NFATC3: variants seen among roughly 807,000 people sequenced by gnomAD.
NFATC3 encodes nuclear factor of activated T-cells, cytoplasmic 3.
Under a neutral mutation model 98.6 loss-of-function variants are expected in NFATC3, and 46 were observed. That is an observed-to-expected ratio of 0.47 (90% CI 0.37 to 0.60). The LOEUF (loss-of-function observed/expected upper bound fraction) is 0.60, where lower values mean the gene tolerates loss of function less well. Ranked by LOEUF, NFATC3 falls within the 20% of genes least tolerant of loss-of-function variation. NFATC3 has a pLI of 0.00. For missense variants in NFATC3, 1,256 were observed against 1,295.5 expected (o/e 0.97, Z 0.47); for synonymous variants, 512 against 472.2 (o/e 1.08, Z -1.09).
chr16:68,125,184 C>A (rs2036772207), intron 2 of NFATC3, among the ~76,000 whole-genome samples: 1 of 152,102 alleles, frequency 6.6e-6, no homozygotes, highest in African/African-American at 2.4e-5. Context: ...AAAACAAATA[C>A]AGAAGTAACT....
intron 9 of NFATC3, chr16:68,221,506 T>C (rs1430609705): frequency 7.9e-7 from 1 of 1,263,038 alleles, no homozygotes; most frequent in East Asian, 3.1e-5. Flanking sequence ...CCCAAATTGT[T>C]TTAAAGATTC....
intron 1 of NFATC3, among the ~76,000 whole-genome samples, chr16:68,114,279 C>T (rs1284947181): frequency 6.6e-6 from 1 of 151,888 alleles, no homozygotes; most frequent in Non-Finnish European, 1.5e-5. Context: ...CCTAGTCAGT[C>T]CCAGTGAGAG....
intron 9 of NFATC3, among the ~76,000 whole-genome samples, chr16:68,215,040 G>C (rs73612269): frequency 0.013 from 1,997 of 152,242 alleles, 43 homozygotes; most frequent in African/African-American, 0.045. Context: ...CAAATACTAT[G>C]AAAGCCACTT....
At chr16:68,173,282 A>G (rs1228757439) in intron 5 of NFATC3, among the ~76,000 whole-genome samples, 2 of 151,212 alleles carry the variant, frequency 1.3e-5, no homozygotes, top group Non-Finnish European at 1.5e-5. Flanking sequence ...AAATAAAAAT[A>G]TAGGCCGGGC....
chr16:68,154,185 G>A (rs2038489627), intron 3 of NFATC3, among the ~76,000 whole-genome samples: 1 of 152,082 alleles, frequency 6.6e-6, no homozygotes, highest in African/African-American at 2.4e-5. Flanking sequence ...CTCCCAAAGT[G>A]TTGAGATTAC....
At chr16:68,172,704 C>A (rs1567532988) in intron 5 of NFATC3, among the ~76,000 whole-genome samples, 1 of 152,126 alleles carries the variant, frequency 6.6e-6, no homozygotes, top group Non-Finnish European at 1.5e-5. Flanking sequence ...ATCACTTGAG[C>A]ACAGAAGGTT....
chr16:68,154,236 A>G (rs912204770), intron 3 of NFATC3, among the ~76,000 whole-genome samples: 1 of 152,076 alleles, frequency 6.6e-6, no homozygotes, highest in Non-Finnish European at 1.5e-5. Context: ...TTTGTTTCCT[A>G]GTGATACCAT....
intron 1 of NFATC3, among the ~76,000 whole-genome samples, chr16:68,086,969 G>GCT (rs1299319838): frequency 6.6e-6 from 1 of 152,212 alleles, no homozygotes; most frequent in African/African-American, 2.4e-5. Context: ...TTATGATGAG[G>GCT]CAGAGGACTG....
At chr16:68,089,318 T>C in intron 1 of NFATC3, 1 of 969,824 alleles carries the variant, frequency 1.0e-6, no homozygotes, top group Non-Finnish European at 1.2e-6. Context: ...CTTAATAATG[T>C]TGTATGTTGT....
chr16:68,155,288 T>G (rs1484305946), intron 3 of NFATC3, among the ~76,000 whole-genome samples: 1 of 152,124 alleles, frequency 6.6e-6, no homozygotes, highest in Non-Finnish European at 1.5e-5. Context: ...GAGACCCCCC[T>G]CACTTCATAG....
intron 2 of NFATC3, among the ~76,000 whole-genome samples, chr16:68,124,994 G>A (rs1290070963): frequency 6.6e-6 from 1 of 152,178 alleles, no homozygotes. Context: ...GCCTCCCAAA[G>A]TGCTGGGATT....
chr16:68,128,272 C>A (rs1265037541), intron 3 of NFATC3, among the ~76,000 whole-genome samples: 1 of 151,588 alleles, frequency 6.6e-6, no homozygotes, highest in Non-Finnish European at 1.5e-5. Flanking sequence ...ATTATCTGAT[C>A]ATGTTTTATA....
In NFATC3 at chr16:68,122,096, T is replaced by C; in HGVS notation, c.213T>C (p.Ser71=). The C allele has an allele frequency of 6.2e-7, 1 of 1,614,152 alleles. No homozygotes were observed. Among genetic ancestry groups the C allele is most frequent in the South Asian group, 1.1e-5 (1 of 91,084 alleles). Residue 71 remains serine (S), a synonymous_variant, in exon 2 of 10, where the codon TCT becomes TCC. Coordinates refer to ENST00000346183, the MANE Select transcript of NFATC3 (RefSeq NM_173165.3). ...CLPHHGLPSH[S]SVLSPSFQLQ... ...CACATCATGGATTACCGTCTCACTC[T>C]TCTGTTTTGTCACCATCGTTTCAGC... is the stretch of plus-strand genomic sequence containing the variant.
intron 9 of NFATC3, among the ~76,000 whole-genome samples, chr16:68,205,783 G>T (rs1224346635): frequency 1.3e-5 from 2 of 151,972 alleles, no homozygotes; most frequent in Non-Finnish European, 1.5e-5. Flanking sequence ...ATAGAATCTT[G>T]AGAGATTATT....
intron 3 of NFATC3, among the ~76,000 whole-genome samples, chr16:68,140,660 A>T (rs185978289): frequency 2.3e-4 from 35 of 150,712 alleles, no homozygotes; most frequent in South Asian, 8.3e-4. Context: ...TTTTTTTTTT[A>T]AATTGGAGAT....
chr16:68,219,835 G>A (rs943398356), intron 9 of NFATC3, among the ~76,000 whole-genome samples: 1 of 152,098 alleles, frequency 6.6e-6, no homozygotes, highest in Non-Finnish European at 1.5e-5. Context: ...GAGCACACTG[G>A]GTTACCCTGC....
chr16:68,124,490 T>C (rs1427471207), intron 2 of NFATC3, among the ~76,000 whole-genome samples: 1 of 150,168 alleles, frequency 6.7e-6, no homozygotes, highest in Non-Finnish European at 1.5e-5. Context: ...TGGAGTGCAA[T>C]GGCGCGATCT....
chr16:68,159,668 C>G (rs949588399), intron 4 of NFATC3, among the ~76,000 whole-genome samples: 1 of 151,626 alleles, frequency 6.6e-6, no homozygotes, highest in African/African-American at 2.4e-5. Context: ...CGTGATCCAC[C>G]CACCTCGGCC....
chr16:68,217,513 TG>T (rs1199464894), intron 9 of NFATC3, among the ~76,000 whole-genome samples: 2 of 149,976 alleles, frequency 1.3e-5, no homozygotes, highest in Non-Finnish European at 3.0e-5. Flanking sequence ...GAGCTCAAGC[TG>T]GTTTTCTTGC....
Sources: gnomAD v4.1 joint callset for allele counts (sites outside exome capture counted in the v4.1 genomes callset) on GRCh38, gnomAD v4.1.1 for gene constraint, MANE v1.5 for transcripts, NCBI Gene and HGNC (gene_info 2026-07-23, HGNC 2026-07-21) for gene names.